Variants in CHODL observed in about 807,000 individuals in gnomAD.
The protein encoded by CHODL is chondrolectin.
In CHODL, 29 loss-of-function variants were observed where a neutral mutation model predicts 34.5. The ratio of observed to expected loss-of-function variants is 0.84; its 90% CI spans 0.63 to 1.15. CHODL has a LOEUF of 1.15. Ranked by LOEUF, CHODL falls within the 50% of genes most tolerant of loss-of-function variation. The probability of loss-of-function intolerance (pLI) is 0.00; values close to 1 mark genes in which losing one functional copy is unlikely to be tolerated. For synonymous variants in CHODL, 125 were observed against 116.1 expected (o/e 1.08, Z -0.49); for missense variants, 332 against 332.5 (o/e 1.00, Z 0.01).
intron 2 of CHODL, among the ~76,000 whole-genome samples, chr21:18,171,442 C>T (rs911370006): frequency 2.0e-5 from 3 of 151,306 alleles, no homozygotes; most frequent in African/African-American, 7.3e-5. Context: ...CTCCTGACCT[C>T]ATGATCCACC....
chr21:17,974,517 G>A (rs991324014), intron 1 of CHODL, among the ~76,000 whole-genome samples: 1 of 152,066 alleles, frequency 6.6e-6, no homozygotes, highest in Non-Finnish European at 1.5e-5. Flanking sequence ...TGATCTGTCT[G>A]CCTTGGCCTC....
At chr21:17,937,900 T>C (rs1303682297) in intron 1 of CHODL, among the ~76,000 whole-genome samples, 1 of 152,160 alleles carries the variant, frequency 6.6e-6, no homozygotes, top group Admixed American at 6.5e-5. Flanking sequence ...GATACAAAGA[T>C]AAAGAAAACA....
At chr21:18,001,811 C>G (rs2063909622) in intron 1 of CHODL, among the ~76,000 whole-genome samples, 1 of 143,560 alleles carries the variant, frequency 7.0e-6, no homozygotes, top group Non-Finnish European at 1.5e-5. Flanking sequence ...TCCCACAATC[C>G]TGTTACCATA....
intron 2 of CHODL, among the ~76,000 whole-genome samples, chr21:18,143,519 T>A (rs1234931707): frequency 6.6e-6 from 1 of 152,154 alleles, no homozygotes; most frequent in Non-Finnish European, 1.5e-5. Context: ...AGGCATGAAT[T>A]CTGTGGCAAG....
intron 2 of CHODL, among the ~76,000 whole-genome samples, chr21:18,218,969 C>A (rs61511808): frequency 0.04 from 6,112 of 152,248 alleles, 160 homozygotes; most frequent in Non-Finnish European, 0.059. Flanking sequence ...CTTCCTAGCC[C>A]TCAAAGTCTC....
chr21:18,076,939 T>G (rs974857967), intron 2 of CHODL, among the ~76,000 whole-genome samples: 1 of 152,170 alleles, frequency 6.6e-6, no homozygotes, highest in Non-Finnish European at 1.5e-5. Flanking sequence ...TTCAGAGAAC[T>G]GCTACAAGAA....
At position 18,256,818 on chromosome 21, in the gene CHODL, G is replaced by A. The variant is rs370782192; in HGVS notation, c.389G>A (p.Arg130Gln). Residue 130 changes from arginine (R) to glutamine (Q), a missense_variant and splice_region_variant, in exon 2 of 6, where the codon CGA (arginine) becomes CAA (glutamine). Transcript: ENST00000299295. ...TCTGATGGAAGCAATTCCCAGTACC[G>A]GTGAGTATGGATCTTGAGCAGTTGG... The part of the protein sequence containing the change: ...QWSDGSNSQY[R>Q]NWYTDEPSCG... The A allele has an allele frequency of 5.5e-5, 89 of 1,611,198 alleles. No individual in the cohort carries two copies. The highest frequency in any genetic ancestry group is 1.7e-4 in the Middle Eastern group (1 of 6,052).
intron 1 of CHODL, among the ~76,000 whole-genome samples, chr21:17,940,536 C>G (rs756235966): frequency 2.0e-5 from 3 of 152,210 alleles, no homozygotes; most frequent in African/African-American, 7.2e-5. Context: ...GGAAGAAAGG[C>G]TTATAAATAG....
At chr21:18,221,144 ATTCT>A (rs774275457) in intron 2 of CHODL, among the ~76,000 whole-genome samples, 3 of 152,038 alleles carry the variant, frequency 2.0e-5, no homozygotes, top group South Asian at 4.1e-4. Flanking sequence ...AAGTTTAGAA[ATTCT>A]TTCTTCTGCT....
intron 2 of CHODL, among the ~76,000 whole-genome samples, chr21:18,224,235 G>A (rs2073910301): frequency 6.6e-6 from 1 of 152,030 alleles, no homozygotes; most frequent in South Asian, 2.1e-4. Context: ...AGACCCCCTT[G>A]ACAGACACTT....
chr21:17,973,163 TG>T, intron 1 of CHODL, among the ~76,000 whole-genome samples: 1 of 152,236 alleles, frequency 6.6e-6, no homozygotes, highest in South Asian at 2.1e-4. Context: ...AAGACTTAAA[TG>T]TAAGACCTAA....
In CHODL at chr21:17,949,268, T is replaced by C. The variant is rs1313050633; in HGVS notation, c.-145+31868T>C. Among the ~76,000 whole-genome samples the C allele has an allele frequency of 3.3e-5, 5 of 152,176 alleles. No individual in the cohort carries two copies. In the East Asian group the frequency reaches 9.6e-4, roughly 29 times the overall value. On this transcript the variant is annotated intron_variant, in intron 1 of 6. Transcript: ENST00000400127. ...GATAATACATCAGCCTCAAGAAATTTTCCAGATTAAATTGTCTGAGTGAGA... is the reference window on the plus strand; with the variant it reads ...GATAATACATCAGCCTCAAGAAATTCTCCAGATTAAATTGTCTGAGTGAGA...
intron 2 of CHODL, among the ~76,000 whole-genome samples, chr21:18,156,043 A>G (rs1215145523): frequency 6.6e-6 from 1 of 152,228 alleles, no homozygotes; most frequent in African/African-American, 2.4e-5. Flanking sequence ...CTCAACAGCA[A>G]TGGGAAATTC....
intron 1 of CHODL, among the ~76,000 whole-genome samples, chr21:17,960,946 G>A (rs958362135): frequency 4.6e-5 from 7 of 152,092 alleles, no homozygotes; most frequent in Non-Finnish European, 1.0e-4. Context: ...GTTAGTTCAG[G>A]TCTTCATCTT....
At chr21:17,992,863 A>G (rs1033601556) in intron 1 of CHODL, among the ~76,000 whole-genome samples, 4 of 151,764 alleles carry the variant, frequency 2.6e-5, no homozygotes, top group African/African-American at 9.7e-5. Flanking sequence ...CATGTTGGTC[A>G]GACTGGTCTG....
intron 2 of CHODL, among the ~76,000 whole-genome samples, chr21:18,158,198 A>G (rs2146638436): frequency 6.6e-6 from 1 of 152,196 alleles, no homozygotes; most frequent in South Asian, 2.1e-4. Flanking sequence ...CAAGAAAAAT[A>G]TTCAGAGCCT....
chr21:18,249,013 ATAT>A (rs984016297), intron 1 of CHODL, among the ~76,000 whole-genome samples: 13 of 112,462 alleles, frequency 1.2e-4, no homozygotes, highest in Middle Eastern at 5.4e-3. Context: ...TATATAATAT[ATAT>A]TATACATAAT....
Position 18,245,266 on chromosome 21 carries a change from T to C in CHODL, c.43T>C (p.Cys15Arg). 1 of 1,524,978 alleles carries C rather than the reference T, an allele frequency of 6.6e-7. No homozygotes were observed. Among genetic ancestry groups the C allele is most frequent in the Admixed American group, 2.0e-5 (1 of 50,420 alleles). 94.5% of individuals were successfully genotyped at this position (1,524,978 alleles called of 1,614,324 possible). The change falls in exon 1 of 6, where the codon TGC becomes CGC. Residue 15 changes from cysteine (C) to arginine (R), a missense_variant. Physicochemically the swap from Cys to Arg is radical, Grantham distance 180. Transcript: ENST00000299295. ...GCTGCTGCTGGGCGCCGCGCTGCTC[T>C]GCGGCCACGGAGCCTTCTGCCGCCG... ...VSLLLGAALL[C>R]GHGAFCRRVV...
At chr21:17,991,708 C>A (rs562139601) in intron 1 of CHODL, among the ~76,000 whole-genome samples, 1 of 112,766 alleles carries the variant, frequency 8.9e-6, no homozygotes, top group African/African-American at 3.4e-5. Context: ...GTTTGCATTT[C>A]TTATATATTC....
Sources: allele counts gnomAD v4.1 joint callset (sites outside exome capture counted in the v4.1 genomes callset), GRCh38; gene constraint gnomAD v4.1.1; transcripts MANE v1.5; gene names NCBI Gene and HGNC (gene_info 2026-07-23, HGNC 2026-07-21).